WWOX: variants seen among roughly 807,000 people sequenced by gnomAD.
The protein encoded by WWOX is WW domain containing oxidoreductase.
Under a neutral mutation model 46.2 loss-of-function variants are expected in WWOX, and 69 were observed. The observed-to-expected ratio is 1.49, with a 90% CI of 1.23 to 1.82. WWOX has a LOEUF of 1.82. WWOX is among the 40% of genes most tolerant of loss of function. The pLI is 0.00. For missense variants in WWOX, 919 were observed against 542.6 expected, an observed-to-expected ratio of 1.69 and a Z score of -6.89; for synonymous variants, 359 against 202.6, an observed-to-expected ratio of 1.77 and a Z score of -6.56.
At chr16:78,918,701 TAGTCTC>T (rs2045308340) in intron 8 of WWOX, among the ~76,000 whole-genome samples, 1 of 152,238 alleles carries the variant, frequency 6.6e-6, no homozygotes, top group South Asian at 2.1e-4. Context: ...TATCTTATTC[TAGTCTC>T]AGGCCCTGGA....
intron 8 of WWOX, among the ~76,000 whole-genome samples, chr16:78,881,210 C>A (rs1398890190): frequency 1.3e-5 from 2 of 151,860 alleles, no homozygotes; most frequent in African/African-American, 4.8e-5. Context: ...GCCATGTTGC[C>A]CAGGCTGGTC....
chr16:78,172,392 G>C (rs1281235237), intron 5 of WWOX, among the ~76,000 whole-genome samples: 4 of 152,096 alleles, frequency 2.6e-5, no homozygotes, highest in Non-Finnish European at 5.9e-5. Flanking sequence ...TTCTTTATCA[G>C]ATAATAAATT....
intron 8 of WWOX, among the ~76,000 whole-genome samples, chr16:79,047,010 G>C (rs933056411): frequency 9.2e-5 from 14 of 152,146 alleles, no homozygotes; most frequent in African/African-American, 3.4e-4. Flanking sequence ...TAAAGCAACT[G>C]ACCTTTTATC....
intron 8 of WWOX, among the ~76,000 whole-genome samples, chr16:78,830,708 G>A (rs2051796372): frequency 6.6e-6 from 1 of 151,804 alleles, no homozygotes; most frequent in Non-Finnish European, 1.5e-5. Context: ...TTTCTGGGCT[G>A]TTCAGGTCGA....
chr16:78,649,064 C>T (rs1320891939), intron 8 of WWOX, among the ~76,000 whole-genome samples: 1 of 152,150 alleles, frequency 6.6e-6, no homozygotes, highest in Non-Finnish European at 1.5e-5. Context: ...AACTCCACCT[C>T]CCAGGTTCAA....
chr16:78,514,066 T>G (rs1363136711), intron 8 of WWOX, among the ~76,000 whole-genome samples: 2 of 152,180 alleles, frequency 1.3e-5, no homozygotes, highest in African/African-American at 4.8e-5. Context: ...CCTATTCTGT[T>G]AATAGAATGA....
At chr16:78,700,486 G>C (rs1309607874) in intron 8 of WWOX, among the ~76,000 whole-genome samples, 2 of 152,170 alleles carry the variant, frequency 1.3e-5, no homozygotes, top group Admixed American at 6.5e-5. Flanking sequence ...ATTTGGAAGA[G>C]AGAGGAACAT....
chr16:79,123,690 C>A (rs1251432599), intron 8 of WWOX, among the ~76,000 whole-genome samples: 1 of 152,064 alleles, frequency 6.6e-6, no homozygotes, highest in Non-Finnish European at 1.5e-5. Flanking sequence ...CAATCTGGAC[C>A]CTTTACCTGT....
intron 8 of WWOX, among the ~76,000 whole-genome samples, chr16:79,089,699 C>G (rs943825923): frequency 2.0e-5 from 3 of 152,142 alleles, no homozygotes; most frequent in Admixed American, 6.5e-5. Context: ...GAAATGTTTT[C>G]CAGTCGCCTA....
At chr16:78,955,945 G>C (rs2046157075) in intron 8 of WWOX, among the ~76,000 whole-genome samples, 1 of 151,020 alleles carries the variant, frequency 6.6e-6, no homozygotes, top group Non-Finnish European at 1.5e-5. Flanking sequence ...ACCATGCCTG[G>C]CCTCTGGCCT....
At chr16:78,986,857 T>G (rs574346000) in intron 8 of WWOX, among the ~76,000 whole-genome samples, 1 of 152,354 alleles carries the variant, frequency 6.6e-6, no homozygotes, top group South Asian at 2.1e-4. Flanking sequence ...ATACACATTA[T>G]GCTTGACTTG....
intron 8 of WWOX, among the ~76,000 whole-genome samples, chr16:79,064,961 G>A (rs2048416206): frequency 6.6e-6 from 1 of 152,170 alleles, no homozygotes; most frequent in South Asian, 2.1e-4. Flanking sequence ...TAGAGATGGA[G>A]CATGGATGCC....
intron 4 of WWOX, among the ~76,000 whole-genome samples, chr16:78,116,817 A>C (rs990169492): frequency 6.6e-6 from 1 of 152,230 alleles, no homozygotes; most frequent in African/African-American, 2.4e-5. Context: ...TTATTCTCTT[A>C]ATCTTCTAGC....
intron 8 of WWOX, among the ~76,000 whole-genome samples, chr16:79,092,297 G>A (rs549463805): frequency 6.6e-6 from 1 of 152,160 alleles, no homozygotes; most frequent in African/African-American, 2.4e-5. Context: ...TAACAGAGGG[G>A]AAGCCTTTGG....
chr16:78,594,328 C>A (rs953438868), intron 8 of WWOX, among the ~76,000 whole-genome samples: 2 of 151,488 alleles, frequency 1.3e-5, no homozygotes, highest in African/African-American at 4.9e-5. Flanking sequence ...GCAATACTCT[C>A]CAGCAGCAAA....
rs546635014 is a variant in WWOX at position 79,062,168 on chromosome 16, C to T, written c.1057-149440C>T. 5.9e-5 allele frequency among the ~76,000 whole-genome samples: 9 copies of T among 152,284 alleles called. No homozygotes were observed. In the East Asian group the frequency reaches 1.7e-3, roughly 29 times the overall value. ...GGTTAGGGAGACTGGGGGCCCCAGA[C>T]TCAAGGTTGGGGAGACTGGGGAGAG... On this transcript the variant is annotated intron_variant, in intron 8 of 8. Transcript: ENST00000566780.
At chr16:78,983,572 C>G (rs549100732) in intron 8 of WWOX, among the ~76,000 whole-genome samples, 2 of 152,262 alleles carry the variant, frequency 1.3e-5, no homozygotes, top group East Asian at 1.9e-4. Flanking sequence ...CAGCCTGTCT[C>G]CCTTTTCTCC....
At chr16:78,934,314 G>T (rs2045688677) in intron 8 of WWOX, among the ~76,000 whole-genome samples, 2 of 124,432 alleles carry the variant, frequency 1.6e-5, no homozygotes, top group South Asian at 2.5e-4. Flanking sequence ...CTCTAGCCTG[G>T]GCGACAGAGC....
At chr16:79,119,835 C>A (rs775350698) in intron 8 of WWOX, among the ~76,000 whole-genome samples, 12 of 152,096 alleles carry the variant, frequency 7.9e-5, no homozygotes, top group Admixed American at 2.0e-4. Flanking sequence ...GAGAAGAGAC[C>A]CAGAGCCAGC....
Sources: allele counts gnomAD v4.1 joint callset (sites outside exome capture counted in the v4.1 genomes callset), GRCh38; gene constraint gnomAD v4.1.1; transcripts MANE v1.5; gene names NCBI Gene and HGNC (gene_info 2026-07-23, HGNC 2026-07-21).